Variants in RIF1 observed in about 807,000 individuals in gnomAD.
RIF1 encodes telomere-associated protein RIF1.
Under a neutral mutation model 247.1 loss-of-function variants are expected in RIF1, and 45 were observed. The ratio of observed to expected loss-of-function variants is 0.18; its 90% CI spans 0.14 to 0.23. The LOEUF is 0.23. RIF1 is among the 10% of genes least tolerant of loss of function. The pLI, the probability that RIF1 is intolerant of heterozygous loss-of-function variation, is 1.00. For synonymous variants in RIF1, 1,087 were observed against 978.8 expected (o/e 1.11, Z -2.06); for missense variants, 2,967 against 2,862.5 (o/e 1.04, Z -0.83).
intron 30 of RIF1, among the ~76,000 whole-genome samples, chr2:151,466,994 A>AAGGC (rs1697011374): frequency 6.6e-6 from 1 of 152,162 alleles, no homozygotes; most frequent in Non-Finnish European, 1.5e-5. Context: ...TTGGGAGGCC[A>AAGGC]AGGCAGGTGG....
chr2:151,528,398 T>G, the RIF1 span, among the ~76,000 whole-genome samples: 1 of 152,208 alleles, frequency 6.6e-6, no homozygotes, highest in Non-Finnish European at 1.5e-5. Flanking sequence ...CTCATTTTAT[T>G]TTGAAAAATT....
the RIF1 span, among the ~76,000 whole-genome samples, chr2:151,529,517 A>T: frequency 6.6e-6 from 1 of 151,496 alleles, no homozygotes; most frequent in African/African-American, 2.4e-5. Context: ...GACTATGGTC[A>T]TCAGTGTTGC....
chr2:151,498,409 C>T, intron 10 of RIF1: 1 of 1,316,912 alleles, frequency 7.6e-7, no homozygotes, highest in African/African-American at 1.5e-5. Flanking sequence ...CATTTTCCCC[C>T]TGCTTTGGAG....
At chr2:151,411,206 T>C (rs1210368209) in intron 2 of RIF1, 54 bp from the exon 3 acceptor site, 1 of 1,028,038 alleles carries the variant, frequency 9.7e-7, no homozygotes, top group Admixed American at 2.3e-5. Context: ...TTTTTGAGAG[T>C]ATTTTTTTTT....
intron 9 of RIF1, among the ~76,000 whole-genome samples, chr2:151,488,266 A>G (rs2052792521): frequency 6.6e-6 from 1 of 152,120 alleles, no homozygotes; most frequent in Non-Finnish European, 1.5e-5. Context: ...TGTTATAGAA[A>G]CATTTAAAAT....
At chr2:151,531,617 A>G in the RIF1 span, among the ~76,000 whole-genome samples, 2 of 152,136 alleles carry the variant, frequency 1.3e-5, no homozygotes, top group African/African-American at 4.8e-5. Context: ...ACGCCCGGCC[A>G]CAACAATTCT....
the RIF1 span, among the ~76,000 whole-genome samples, chr2:151,517,208 A>ATAACATGTGG: frequency 6.6e-6 from 1 of 152,230 alleles, no homozygotes; most frequent in Non-Finnish European, 1.5e-5. Context: ...TCTCATCCTC[A>ATAACATGTGG]TAACATGTGG....
intron 11 of RIF1, among the ~76,000 whole-genome samples, chr2:151,500,698 G>C (rs1248806262): frequency 6.7e-6 from 1 of 148,418 alleles, no homozygotes; most frequent in Non-Finnish European, 1.5e-5. Context: ...CTAGGGTTCA[G>C]ATGAACCTCC....
At chr2:151,527,131 C>A in the RIF1 span, 1 of 709,154 alleles carries the variant, frequency 1.4e-6, no homozygotes. Context: ...CAAAGACTTG[C>A]TACCAGAATG....
At chr2:151,437,706 A>G (rs1010447073) in intron 13 of RIF1, among the ~76,000 whole-genome samples, 7 of 152,196 alleles carry the variant, frequency 4.6e-5, no homozygotes, top group African/African-American at 1.7e-4. Context: ...AAAAAATATG[A>G]AGATAAAATA....
rs2152498097 is a variant in RIF1 at position 151,463,506 on chromosome 2, C to T, written c.3986C>T (p.Pro1329Leu). The change falls in exon 30 of 36, where the codon CCT becomes CTT. Residue 1329 changes from proline (P) to leucine (L), a missense_variant. Pro to Leu is a moderately conservative substitution (Grantham distance 98). Transcript: ENST00000444746. ...ATTGTAGTCTTAGAAAATAACCCAC[C>T]TGGTTTGCTTAATCAAACAGAATGT... ...EGIVVLENNP[P>L]GLLNQTECVS... 2.5e-6 allele frequency: 4 copies of T among 1,614,000 alleles called. No individual in the cohort carries two copies. Among genetic ancestry groups the T allele is most frequent in the Admixed American group, 3.3e-5 (2 of 60,012 alleles).
chr2:151,443,028 G>A (rs1039457882), intron 16 of RIF1, among the ~76,000 whole-genome samples: 3 of 151,672 alleles, frequency 2.0e-5, no homozygotes, highest in East Asian at 1.9e-4. Context: ...CACCCGCCTC[G>A]GCCTCCCAAA....
chr2:151,431,171 A>G (rs1690057159), intron 9 of RIF1, among the ~76,000 whole-genome samples: 1 of 152,232 alleles, frequency 6.6e-6, no homozygotes, highest in Non-Finnish European at 1.5e-5. Flanking sequence ...CCGGGAAGTC[A>G]TCAAGGAATC....
intron 5 of RIF1, 50 bp from the exon 6 acceptor site, chr2:151,416,757 A>G (rs765501336): frequency 1.6e-5 from 26 of 1,600,908 alleles, no homozygotes; most frequent in Non-Finnish European, 2.1e-5. Flanking sequence ...TAATGCCAAT[A>G]AAAACAGTTC....
intron 21 of RIF1, among the ~76,000 whole-genome samples, chr2:151,452,655 T>C (rs1165532268): frequency 6.6e-6 from 1 of 152,234 alleles, no homozygotes; most frequent in Non-Finnish European, 1.5e-5. Flanking sequence ...GCTCTCCTCT[T>C]GGTCTGACCA....
intron 27 of RIF1, among the ~76,000 whole-genome samples, chr2:151,461,531 A>G (rs1696157899): frequency 6.6e-6 from 1 of 151,566 alleles, no homozygotes; most frequent in Non-Finnish European, 1.5e-5. Context: ...AGCTGGGACC[A>G]CAGGCATGTG....
chr2:151,417,455 A>G (rs1220146553), intron 6 of RIF1, among the ~76,000 whole-genome samples: 3 of 152,192 alleles, frequency 2.0e-5, no homozygotes, highest in East Asian at 1.9e-4. Context: ...TTCTCTGGCT[A>G]TCCTTTTCTA....
the RIF1 span, among the ~76,000 whole-genome samples, chr2:151,531,631 T>C: frequency 5.9e-3 from 900 of 152,196 alleles, 10 homozygotes; most frequent in African/African-American, 0.02. Context: ...CAATTCTTTA[T>C]TGGGGAGGAG....
intron 26 of RIF1, 148 bp from the exon 27 acceptor site, chr2:151,460,988 CAT>C (rs1696065806): frequency 1.4e-6 from 1 of 689,976 alleles, no homozygotes; most frequent in African/African-American, 1.8e-5. Context: ...AAGTGGGGAA[CAT>C]TGTACTAATT....
Sources: gnomAD v4.1 joint callset for allele counts (sites outside exome capture counted in the v4.1 genomes callset) on GRCh38, gnomAD v4.1.1 for gene constraint, MANE v1.5 for transcripts, NCBI Gene and HGNC (gene_info 2026-07-23, HGNC 2026-07-21) for gene names.